Variants in EPG5 observed in about 807,000 individuals in gnomAD.
EPG5 encodes the protein ectopic P granules protein 5 homolog.
A neutral mutation model predicts 302.7 loss-of-function variants in EPG5; 159 were observed. The ratio of observed to expected loss-of-function variants is 0.53; its 90% confidence interval spans 0.46 to 0.60. EPG5 has a LOEUF of 0.60. Ranked by LOEUF, EPG5 falls within the 20% of genes least tolerant of loss-of-function variation. EPG5 has a pLI of 0.00. For missense variants in EPG5, 2,896 were observed against 3,092.4 expected (o/e 0.94, Z 1.51); for synonymous variants, 1,158 against 1,136.8 (o/e 1.02, Z -0.37).
chr18:45,937,261 CACACACACACACACACAT>C (rs1395348367), intron 10 of EPG5, among the ~76,000 whole-genome samples: 2 of 122,950 alleles, frequency 1.6e-5, no homozygotes, highest in South Asian at 2.8e-4. Flanking sequence ...CACACACACA[CACACACACACACACACAT>C]ATGTATACAC....
intron 34 of EPG5, among the ~76,000 whole-genome samples, chr18:45,877,875 G>GA (rs1018398784): frequency 2.0e-5 from 3 of 151,694 alleles, no homozygotes; most frequent in African/African-American, 4.8e-5. Context: ...TACTTTCAGG[G>GA]AAAAAAAAGA....
chr18:45,890,002 C>T, intron 27 of EPG5, 62 bp from the exon 28 acceptor site: 1 of 1,387,920 alleles, frequency 7.2e-7, no homozygotes. Flanking sequence ...CCCATGAAGA[C>T]TCAAACTGAA....
intron 27 of EPG5, among the ~76,000 whole-genome samples, chr18:45,893,395 T>C (rs1361851653): frequency 6.6e-6 from 1 of 152,002 alleles, no homozygotes. Flanking sequence ...TTAAACTCCA[T>C]CTCTACTAAA....
At chr18:45,866,721 G>C in intron 38 of EPG5, 77 bp downstream of exon 38, 3 of 1,136,548 alleles carry the variant, frequency 2.6e-6, no homozygotes, top group Admixed American at 1.7e-5. Context: ...TCCTAGCTTC[G>C]ACTGTCCTTT....
chr18:45,967,296 A>C lies in EPG5; in HGVS notation c.-57T>G, dbSNP rs965466301. 8.0e-6 allele frequency: 12 copies of C among 1,491,692 alleles called. No homozygotes were observed. The highest frequency in any genetic ancestry group is 2.3e-5 in the Admixed American group (1 of 44,258). 92.4% of individuals were successfully genotyped at this position (1,491,692 alleles called of 1,614,324 possible). ...TTTGTCAAACCCCTGCGCTTCAAGC[A>C]ACCTGCCCGGTTCTGGCCTCCGGAC... On this transcript the variant is annotated 5_prime_UTR_variant, in exon 1 of 44. Coordinates refer to ENST00000282041, the MANE Select transcript of EPG5 (RefSeq NM_020964.3).
At chr18:45,913,613 TA>T (rs1203281754) in intron 21 of EPG5, 92 bp downstream of exon 21, 1 of 1,479,462 alleles carries the variant, frequency 6.8e-7, no homozygotes, top group Admixed American at 2.0e-5. Context: ...CACAACAAAA[TA>T]AAACACAAAA....
intron 10 of EPG5, among the ~76,000 whole-genome samples, chr18:45,935,756 C>T (rs1332039686): frequency 2.0e-5 from 3 of 152,158 alleles, no homozygotes; most frequent in Non-Finnish European, 4.4e-5. Flanking sequence ...CCTCTCTGAA[C>T]ACTGAACAAA....
the EPG5 span, among the ~76,000 whole-genome samples, chr18:45,802,460 C>A: frequency 2.0e-5 from 3 of 152,092 alleles, no homozygotes; most frequent in Non-Finnish European, 1.5e-5. Context: ...GTAGAGATTG[C>A]AGTGAGCTGA....
At position 45,901,539 on chromosome 18, in the gene EPG5, G is replaced by A. The variant is rs1599530594; in HGVS notation, c.4475-372C>T. Among the ~76,000 whole-genome samples, 3 of 152,238 alleles carry A rather than the reference G, an allele frequency of 2.0e-5. No individual in the cohort carries two copies. The South Asian group carries it at 6.2e-4, about 32-fold the overall frequency. On this transcript the variant is annotated intron_variant, in intron 25 of 43. Coordinates refer to ENST00000282041, the MANE Select transcript of EPG5 (RefSeq NM_020964.3). ...TTTTAATGCCATCATCCAGAATTCA[G>A]AGGAATAGAAGAAAAAGGAATAAGC...
intron 10 of EPG5, among the ~76,000 whole-genome samples, chr18:45,935,658 G>A (rs1317794931): frequency 6.6e-6 from 1 of 152,190 alleles, no homozygotes; most frequent in Non-Finnish European, 1.5e-5. Flanking sequence ...AGCTGTGGAT[G>A]TGTGTGTCTG....
At chr18:45,883,620 T>TG (rs61393234) in intron 30 of EPG5, among the ~76,000 whole-genome samples, 42,551 of 105,592 alleles carry the variant, frequency 0.4, 10,075 homozygotes, top group East Asian at 0.5. Context: ...TGGTGTTTTT[T>TG]TTTTTTTTTT....
At position 45,882,096 on chromosome 18, in the gene EPG5, TATTTAC is replaced by T. The variant is rs1477532882; in HGVS notation, c.5518+172_5518+177del. On this transcript the variant is annotated intron_variant, in intron 31 of 43. Transcript: ENST00000282041. ...TCAAATTTAGAACAATAACTGGCCA[TATTTAC>T]AGTAACAACTTTTTGGGCCTTGTTC... Among the ~76,000 whole-genome samples, 5 of 152,228 alleles carry T rather than the reference TATTTAC, an allele frequency of 3.3e-5. No individual in the cohort carries two copies. In the East Asian group the frequency reaches 5.8e-4, roughly 18 times the overall value.
At chr18:45,965,654 T>TAATAC (rs1284015334) in intron 1 of EPG5, among the ~76,000 whole-genome samples, 1 of 152,226 alleles carries the variant, frequency 6.6e-6, no homozygotes, top group South Asian at 2.1e-4. Flanking sequence ...CCTGTACTTG[T>TAATAC]AATACCATCC....
At chr18:45,889,377 T>C (rs747901179) in intron 28 of EPG5, among the ~76,000 whole-genome samples, 1 of 152,220 alleles carries the variant, frequency 6.6e-6, no homozygotes, top group South Asian at 2.1e-4. Context: ...GTCATCTGAG[T>C]TGACAAGGAT....
intron 30 of EPG5, among the ~76,000 whole-genome samples, chr18:45,883,496 C>T (rs571690396): frequency 3.5e-4 from 51 of 146,534 alleles, no homozygotes; most frequent in Non-Finnish European, 6.6e-4. Context: ...GGTCTCACTC[C>T]ATCACCCAGG....
chr18:45,809,969 T>A, the EPG5 span, among the ~76,000 whole-genome samples: 1 of 152,040 alleles, frequency 6.6e-6, no homozygotes, highest in Non-Finnish European at 1.5e-5. Context: ...AATAGACTAC[T>A]AGCAAAGTTA....
chr18:45,882,300 C>T lies in EPG5; in HGVS notation c.5492G>A (p.Ser1831Asn), dbSNP rs774570206. The T allele has an allele frequency of 2.0e-5, 32 of 1,614,106 alleles. No individual in the cohort carries two copies. The African/African-American group carries it at 3.6e-4, about 18-fold the overall frequency. The change falls in exon 31 of 44, where the codon AGT becomes AAT. Residue 1831 changes from serine to asparagine, a missense_variant. This residue lies in a region of EPG5 where 790 missense variants were observed against 798.0 expected (regional missense o/e 0.99). Transcript: ENST00000282041. ...LLLYQFPDQYSDILRLLMQSS... is the reference protein window; with the variant it reads ...LLLYQFPDQYNDILRLLMQSS... ...TTGCATAAGCAGCCTGAGAATGTCA[C>T]TGTACTGGTCAGGAAACTGGTAGAG...
At chr18:45,865,411 C>T (rs2045363220) in intron 39 of EPG5, among the ~76,000 whole-genome samples, 1 of 152,184 alleles carries the variant, frequency 6.6e-6, no homozygotes, top group Non-Finnish European at 1.5e-5. Flanking sequence ...GCTTAAAGGT[C>T]AGTCTCGCCC....
rs540479767 is a variant in EPG5 at position 45,866,955 on chromosome 18, A to T, written c.6464T>A (p.Leu2155His). ...LGQTSSLSWHLVDIVSYQSVL... is the reference protein window; with the variant it reads ...LGQTSSLSWHHVDIVSYQSVL... Reference sequence around the variant, plus strand: ...ACTCTGGTACGACACAATATCCACAAGATGCCATGAAAGTGAGCTTGTCTG... The same window carrying T: ...ACTCTGGTACGACACAATATCCACATGATGCCATGAAAGTGAGCTTGTCTG... The change falls in exon 38 of 44, where the codon CTT becomes CAT. Residue 2155 changes from leucine (L) to histidine (H), a missense_variant. This residue lies in a region of EPG5 where 620 missense variants were observed against 704.2 expected (regional missense o/e 0.88). Coordinates refer to ENST00000282041, the MANE Select transcript of EPG5 (RefSeq NM_020964.3). 3 of 1,614,238 alleles carry T rather than the reference A, an allele frequency of 1.9e-6. No individual in the cohort carries two copies. The African/African-American group carries it at 4.0e-5, about 22-fold the overall frequency.
Sources: gnomAD v4.1 joint callset for allele counts (sites outside exome capture counted in the v4.1 genomes callset) on GRCh38, gnomAD v4.1.1 for gene constraint, gnomAD v4.1.1 regional missense constraint, MANE v1.5 for transcripts, NCBI Gene and HGNC (gene_info 2026-07-23, HGNC 2026-07-21) for gene names.